Variants in GALNT5 observed in about 807,000 individuals in gnomAD.
GALNT5 encodes the protein polypeptide N-acetylgalactosaminyltransferase 5, also known as UDP-GalNAc:polypeptide N-acetylgalactosaminyltransferase 5.
A neutral mutation model predicts 85.4 loss-of-function variants in GALNT5; 72 were observed. That is an observed-to-expected ratio of 0.84 (90% confidence interval 0.70 to 1.03). GALNT5 has a LOEUF of 1.03. GALNT5 is among the 50% of genes least tolerant of loss of function. The pLI, the probability that GALNT5 is intolerant of heterozygous loss-of-function variation, is 0.00. For missense variants in GALNT5, 1,137 were observed against 1,135.5 expected (o/e 1.00, Z -0.02); for synonymous variants, 404 against 397.0 (o/e 1.02, Z -0.21).
At chr2:157,268,375 T>A (rs577376440) in intron 1 of GALNT5, among the ~76,000 whole-genome samples, 1 of 152,324 alleles carries the variant, frequency 6.6e-6, no homozygotes, top group East Asian at 1.9e-4. Flanking sequence ...TAGATTCAGA[T>A]TAAAGGACTG....
In GALNT5 at chr2:157,258,364, TGAG is replaced by T; in HGVS notation, c.286_288del (p.Glu96del). 1 of 1,608,530 alleles carries T rather than the reference TGAG, an allele frequency of 6.2e-7. No homozygotes were observed. Among genetic ancestry groups the T allele is most frequent in the Non-Finnish European group, 8.5e-7 (1 of 1,178,096 alleles). On this transcript the variant is annotated inframe_deletion, in exon 1 of 10. Coordinates refer to ENST00000259056, the MANE Select transcript of GALNT5 (RefSeq NM_014568.3). ...GGGGCAAAGAGAATGTTAGAAAAAC[TGAG>T]GAGAGTGTGCTCAAGGTTGAGGTGG...
intron 1 of GALNT5, among the ~76,000 whole-genome samples, chr2:157,276,578 T>C (rs138028559): frequency 0.14 from 21,100 of 152,200 alleles, 4,241 homozygotes; most frequent in African/African-American, 0.44. Flanking sequence ...CAGGAATTTA[T>C]CCATTTCTTC....
At chr2:157,277,261 A>G (rs1485508859) in intron 1 of GALNT5, among the ~76,000 whole-genome samples, 1 of 152,214 alleles carries the variant, frequency 6.6e-6, no homozygotes, top group African/African-American at 2.4e-5. Flanking sequence ...CAATTTTAGA[A>G]TAAGTGCGAT....
chr2:157,260,081 T>C (rs759105091), intron 1 of GALNT5, among the ~76,000 whole-genome samples: 1 of 152,206 alleles, frequency 6.6e-6, no homozygotes, highest in African/African-American at 2.4e-5. Context: ...ATCTCCTTTA[T>C]AGGTGGAGAT....
chr2:157,304,253 A>T (rs1683407067), intron 7 of GALNT5, among the ~76,000 whole-genome samples: 2 of 152,164 alleles, frequency 1.3e-5, no homozygotes, highest in Non-Finnish European at 2.9e-5. Flanking sequence ...ACATTTACTA[A>T]CAGTGAGCTG....
Position 157,295,435 on chromosome 2 carries a change from A to G in GALNT5, c.1742-228A>G, listed in dbSNP as rs151213528. Among the ~76,000 whole-genome samples, 19 of 152,018 alleles carry G rather than the reference A, an allele frequency of 1.2e-4. No individual in the cohort carries two copies. In the East Asian group the frequency reaches 3.5e-3, roughly 28 times the overall value. On this transcript the variant is annotated intron_variant, in intron 3 of 9. Transcript: ENST00000259056. ...TTTGCCCATTCTAAATGGCTTATCA[A>G]TTTTTTCCAAACATAAATTATGTTT...
intron 1 of GALNT5, among the ~76,000 whole-genome samples, chr2:157,275,671 A>AT (rs962245460): frequency 2.2e-4 from 33 of 152,146 alleles, no homozygotes; most frequent in African/African-American, 7.7e-4. Context: ...CTGCACATTG[A>AT]TTTTGTATCC....
rs901718431 is a variant in GALNT5 at position 157,300,874 on chromosome 2, C to T, written c.2314C>T (p.Leu772=). ...CGGAGACCACCTCATCGACCAAGGG[C>T]TAGATGTTGGCAACCTCACCCAGCA... The part of the protein sequence containing the change: ...GHGDHLIDQG[L]DVGNLTQQRE... Residue 772 remains leucine, a synonymous_variant, in exon 7 of 10, where the codon CTA becomes TTA. Coordinates refer to ENST00000259056, the MANE Select transcript of GALNT5 (RefSeq NM_014568.3). The T allele has an allele frequency of 6.2e-7, 1 of 1,613,872 alleles. No individual in the cohort carries two copies. The highest frequency in any genetic ancestry group is 1.7e-5 in the Admixed American group (1 of 60,016).
chr2:157,279,776 G>A (rs1682817528), intron 1 of GALNT5, among the ~76,000 whole-genome samples: 1 of 152,194 alleles, frequency 6.6e-6, no homozygotes, highest in African/African-American at 2.4e-5. Flanking sequence ...GCGCTTCCTG[G>A]GTGAGGTGAT....
chr2:157,261,969 T>C (rs1462639149), intron 1 of GALNT5, among the ~76,000 whole-genome samples: 1 of 151,906 alleles, frequency 6.6e-6, no homozygotes, highest in Non-Finnish European at 1.5e-5. Flanking sequence ...TAAAATAGAA[T>C]AAGAAAATGA....
chr2:157,273,701 G>A (rs1252854068), intron 1 of GALNT5, among the ~76,000 whole-genome samples: 1 of 125,446 alleles, frequency 8.0e-6, no homozygotes, highest in Non-Finnish European at 1.6e-5. Context: ...GGAGTGCAAT[G>A]GCACAATCTC....
At chr2:157,290,458 T>C (rs986744589) in intron 3 of GALNT5, among the ~76,000 whole-genome samples, 9 of 152,112 alleles carry the variant, frequency 5.9e-5, no homozygotes, top group Non-Finnish European at 8.8e-5. Flanking sequence ...GAGACTGGCA[T>C]TGAGCAGAGA....
At chr2:157,261,171 C>G (rs62175180) in intron 1 of GALNT5, among the ~76,000 whole-genome samples, 1 of 152,020 alleles carries the variant, frequency 6.6e-6, no homozygotes, top group African/African-American at 2.4e-5. Flanking sequence ...AAAGCAGTTT[C>G]ATTTTAACAT....
chr2:157,296,927 C>G (rs538939427), intron 5 of GALNT5, among the ~76,000 whole-genome samples: 4 of 152,240 alleles, frequency 2.6e-5, no homozygotes, highest in African/African-American at 9.6e-5. Flanking sequence ...ACAGCCTAAT[C>G]CTACCCCCTC....
In GALNT5 at chr2:157,299,435, A is replaced by G; in HGVS notation, c.1998-113A>G. On this transcript the variant is annotated intron_variant, in intron 5 of 9. Coordinates refer to ENST00000259056, the MANE Select transcript of GALNT5 (RefSeq NM_014568.3). ...CTCCATCCCAGGGCTTCCCTGCATC[A>G]GGTAGCTATTCTGAAAAGCCTCCTA... 4 of 649,694 alleles carry G rather than the reference A, an allele frequency of 6.2e-6. No individual in the cohort carries two copies. In the East Asian group the frequency reaches 1.0e-4, roughly 17 times the overall value. The allele number at this position is 649,694 out of a possible 1,614,324, so 40.2% of individuals were successfully genotyped here.
Position 157,258,425 on chromosome 2 carries a change from C to T in GALNT5, c.343C>T (p.Gln115Ter), listed in dbSNP as rs1251482314. 9 of 1,609,598 alleles carry T rather than the reference C, an allele frequency of 5.6e-6. No homozygotes were observed. Among genetic ancestry groups the T allele is most frequent in the Non-Finnish European group, 7.6e-6 (9 of 1,178,564 alleles). The part of the protein sequence containing the change: ...LDQTQRERKM[Q>*]NALGRGKVVP... ...CCAAACCCAGAGGGAAAGAAAAATG[C>T]AGAATGCCCTGGGAAGGGGCAAGGT... The change falls in exon 1 of 10, where the codon CAG (glutamine) becomes TAG (stop). Residue 115 changes from glutamine to a stop codon, truncating the protein, a stop_gained. Coordinates refer to ENST00000259056, the MANE Select transcript of GALNT5 (RefSeq NM_014568.3). LOFTEE classifies it high-confidence loss of function.
chr2:157,293,390 C>T (rs1489614407), intron 3 of GALNT5, among the ~76,000 whole-genome samples: 2 of 152,146 alleles, frequency 1.3e-5, no homozygotes, highest in Non-Finnish European at 2.9e-5. Flanking sequence ...CATATGAGCA[C>T]TAATCCTACT....
intron 3 of GALNT5, among the ~76,000 whole-genome samples, chr2:157,294,565 C>T (rs561147374): frequency 1.3e-5 from 2 of 152,078 alleles, no homozygotes; most frequent in Admixed American, 1.3e-4. Context: ...GTGCTGCAGC[C>T]GAGTGGAGGG....
At chr2:157,278,514 T>C (rs768710757) in intron 1 of GALNT5, among the ~76,000 whole-genome samples, 10 of 152,158 alleles carry the variant, frequency 6.6e-5, no homozygotes, top group Non-Finnish European at 1.5e-4. Context: ...GTTCATTTCT[T>C]TTTCCTCTTT....
Sources: gnomAD v4.1 joint callset for allele counts (sites outside exome capture counted in the v4.1 genomes callset) on GRCh38, gnomAD v4.1.1 for gene constraint, MANE v1.5 for transcripts, NCBI Gene and HGNC (gene_info 2026-07-23, HGNC 2026-07-21) for gene names.